FARP1: variants seen among roughly 807,000 people sequenced by gnomAD.
FARP1 encodes FERM, ARHGEF and pleckstrin domain-containing protein 1.
In FARP1, 52 loss-of-function variants were observed where a neutral mutation model predicts 128.8. The observed-to-expected ratio is 0.40, with a 90% CI of 0.32 to 0.51. FARP1 has a LOEUF of 0.51. Among genes scored for constraint, FARP1 ranks in the 20% least tolerant of loss-of-function variants. FARP1 has a pLI of 0.45. For synonymous variants in FARP1, 580 were observed against 551.8 expected (o/e 1.05, Z -0.72); for missense variants, 1,333 against 1,367.9 (o/e 0.97, Z 0.40).
At chr13:98,296,527 C>T (rs1202449916) in intron 2 of FARP1, among the ~76,000 whole-genome samples, 1 of 149,540 alleles carries the variant, frequency 6.7e-6, no homozygotes, top group Non-Finnish European at 1.5e-5. Context: ...CCCCGCTCTT[C>T]ATGCACATCC....
chr13:98,386,343 A>G (rs559360703), intron 8 of FARP1, among the ~76,000 whole-genome samples: 1 of 152,324 alleles, frequency 6.6e-6, no homozygotes, highest in South Asian at 2.1e-4. Flanking sequence ...GTAGCAAAAC[A>G]CATACTGCAC....
chr13:98,398,892 C>T (rs1280903391), intron 13 of FARP1: 1 of 152,184 alleles, frequency 6.6e-6, no homozygotes, highest in East Asian at 1.9e-4. Context: ...CAGCGTATGA[C>T]AGGAATCGTC....
chr13:98,359,056 G>A (rs1888756727), intron 3 of FARP1, among the ~76,000 whole-genome samples: 1 of 152,176 alleles, frequency 6.6e-6, no homozygotes, highest in Non-Finnish European at 1.5e-5. Context: ...ACAGTTGACA[G>A]GTTGTTTTTG....
At chr13:98,319,469 A>T (rs1189410420) in intron 2 of FARP1, among the ~76,000 whole-genome samples, 1 of 152,136 alleles carries the variant, frequency 6.6e-6, no homozygotes, top group Admixed American at 6.5e-5. Context: ...AAATACAAAA[A>T]ATTAGCCAGG....
chr13:98,365,546 C>A, intron 4 of FARP1, 109 bp downstream of exon 4: 3 of 703,864 alleles, frequency 4.3e-6, no homozygotes, highest in South Asian at 2.3e-5. Flanking sequence ...ACAAATTCTT[C>A]TACCCCATAA....
chr13:98,291,402 A>G (rs1361831295), intron 2 of FARP1, among the ~76,000 whole-genome samples: 1 of 152,208 alleles, frequency 6.6e-6, no homozygotes, highest in Non-Finnish European at 1.5e-5. Flanking sequence ...AGGCAGAAGA[A>G]AATCCACATG....
At chr13:98,146,466 G>A (rs1372847042) in intron 1 of FARP1, among the ~76,000 whole-genome samples, 1 of 152,216 alleles carries the variant, frequency 6.6e-6, no homozygotes, top group African/African-American at 2.4e-5. Flanking sequence ...GACCTCAGGT[G>A]ATTTGCCCGC....
intron 2 of FARP1, chr13:98,244,677 A>G: frequency 6.2e-7 from 1 of 1,614,204 alleles, no homozygotes; most frequent in Non-Finnish European, 8.5e-7. Context: ...CTTAGCGGTC[A>G]CAGTCACTGA....
At chr13:98,265,682 G>A (rs905106641) in intron 2 of FARP1, among the ~76,000 whole-genome samples, 3 of 152,080 alleles carry the variant, frequency 2.0e-5, no homozygotes, top group African/African-American at 7.2e-5. Flanking sequence ...ACACAATTAG[G>A]TGATTTTAAC....
chr13:98,164,347 T>C (rs1466789882), intron 1 of FARP1, among the ~76,000 whole-genome samples: 7 of 152,204 alleles, frequency 4.6e-5, no homozygotes, highest in Non-Finnish European at 8.8e-5. Context: ...TCAGGAACTC[T>C]TGAGAATGTG....
chr13:98,222,631 T>G (rs544698024), intron 2 of FARP1, among the ~76,000 whole-genome samples: 295 of 151,814 alleles, frequency 1.9e-3, no homozygotes, highest in Middle Eastern at 3.4e-3. Context: ...GCTTTTTTTT[T>G]TTGTTTTTTG....
chr13:98,247,445 C>G lies in FARP1; in HGVS notation c.171+34032C>G, dbSNP rs76282342. Among the ~76,000 whole-genome samples the G allele has an allele frequency of 6.5e-4, 99 of 152,286 alleles. 5 individuals carry two copies. In the East Asian group the frequency reaches 0.019, roughly 29 times the overall value. On this transcript the variant is annotated intron_variant, in intron 2 of 26. Coordinates refer to ENST00000319562, the MANE Select transcript of FARP1 (RefSeq NM_005766.4). The stretch of plus-strand genomic sequence containing the variant: ...CTAAATGACCAGGCCGGGTCACTAA[C>G]GCAGACAGACACCCCAGTATGACTG...
chr13:98,335,551 G>C (rs1162714051), intron 2 of FARP1, among the ~76,000 whole-genome samples: 1 of 152,200 alleles, frequency 6.6e-6, no homozygotes, highest in African/African-American at 2.4e-5. Context: ...TACAGTTCAA[G>C]ATGAGATTTG....
At chr13:98,281,941 C>T (rs1439486747) in intron 2 of FARP1, among the ~76,000 whole-genome samples, 1 of 152,136 alleles carries the variant, frequency 6.6e-6, no homozygotes, top group East Asian at 1.9e-4. Context: ...GGGCATGAAC[C>T]TCTGAATGCA....
At chr13:98,144,647 G>A (rs1273175761) in intron 1 of FARP1, among the ~76,000 whole-genome samples, 1 of 152,162 alleles carries the variant, frequency 6.6e-6, no homozygotes, top group Non-Finnish European at 1.5e-5. Flanking sequence ...AATGTGCTTT[G>A]CACGTGGTGA....
At chr13:98,246,846 C>T (rs1179973796) in intron 2 of FARP1, among the ~76,000 whole-genome samples, 1 of 152,180 alleles carries the variant, frequency 6.6e-6, no homozygotes, top group Non-Finnish European at 1.5e-5. Flanking sequence ...CCAGCTGTTC[C>T]TTGAGCCCAT....
At chr13:98,306,866 G>C (rs2139723101) in intron 2 of FARP1, among the ~76,000 whole-genome samples, 1 of 152,264 alleles carries the variant, frequency 6.6e-6, no homozygotes, top group South Asian at 2.1e-4. Context: ...ACCACTCTTG[G>C]AAAAGAAACA....
intron 13 of FARP1, chr13:98,397,855 G>A (rs1177075745): frequency 7.3e-6 from 1 of 136,060 alleles, no homozygotes; most frequent in East Asian, 2.1e-4. Flanking sequence ...GCTTTTTCTT[G>A]ATGCCTGTGA....
In FARP1 at chr13:98,424,581, C is replaced by T. The variant is rs753941228; in HGVS notation, c.1836C>T (p.Arg612=). 1.9e-6 allele frequency: 3 copies of T among 1,612,930 alleles called. No homozygotes were observed. Among genetic ancestry groups the T allele is most frequent in the Admixed American group, 1.7e-5 (1 of 59,998 alleles). ...TTGCTTTTGCTCTCAGGGAAGGCCG[C>T]TCAAATGCCCAAATCAGAGATTACC... ...IEQRLALWEG[R]SNAQIRDYQR... is the part of the protein sequence containing the mutation. Residue 612 remains arginine (R), a synonymous_variant, in exon 17 of 27, where the codon CGC becomes CGT. Coordinates refer to ENST00000319562, the MANE Select transcript of FARP1 (RefSeq NM_005766.4).
Sources: gnomAD v4.1 joint callset for allele counts (sites outside exome capture counted in the v4.1 genomes callset) on GRCh38, gnomAD v4.1.1 for gene constraint, MANE v1.5 for transcripts, NCBI Gene and HGNC (gene_info 2026-07-23, HGNC 2026-07-21) for gene names.